Variants in CTIF observed in about 807,000 individuals in gnomAD.
The protein encoded by CTIF is CBP80/20-dependent translation initiation factor.
A neutral mutation model predicts 66.0 loss-of-function variants in CTIF; 21 were observed. That is an observed-to-expected ratio of 0.32 (90% CI 0.23 to 0.46). The LOEUF (loss-of-function observed/expected upper bound fraction) is 0.46, where lower values mean the gene tolerates loss of function less well. Ranked by LOEUF, CTIF falls within the 20% of genes least tolerant of loss-of-function variation. The pLI is 1.00. For missense variants in CTIF, 739 were observed against 812.7 expected, an observed-to-expected ratio of 0.91 and a Z score of 1.10; for synonymous variants, 345 against 326.4, an observed-to-expected ratio of 1.06 and a Z score of -0.62.
At chr18:48,591,144 C>T (rs1424956536) in intron 1 of CTIF, among the ~76,000 whole-genome samples, 2 of 152,226 alleles carry the variant, frequency 1.3e-5, no homozygotes, top group African/African-American at 4.8e-5. Flanking sequence ...TCTCCCTTGT[C>T]CATGGAGACT....
chr18:48,772,032 C>T (rs1301254979), intron 9 of CTIF, among the ~76,000 whole-genome samples: 1 of 152,216 alleles, frequency 6.6e-6, no homozygotes, highest in African/African-American at 2.4e-5. Flanking sequence ...CCAGCCACTA[C>T]CAAGAGAGAG....
intron 1 of CTIF, among the ~76,000 whole-genome samples, chr18:48,551,008 T>C (rs557335107): frequency 1.3e-5 from 2 of 151,892 alleles, no homozygotes; most frequent in Admixed American, 6.6e-5. Context: ...GGCTGAATTG[T>C]GTCCTCTCAA....
intron 5 of CTIF, among the ~76,000 whole-genome samples, chr18:48,669,853 A>T (rs2091500247): frequency 7.8e-6 from 1 of 128,998 alleles, no homozygotes; most frequent in South Asian, 2.6e-4. Flanking sequence ...GCTAGACTAT[A>T]TATGTGTGTA....
At position 48,758,331 on chromosome 18, in the gene CTIF, C is replaced by A. The variant is rs150546807; in HGVS notation, c.997C>A (p.Arg333Ser). ...ACGTAAAGACAGTATTCTTCCCGAG[C>A]GCATCGGGGAGCGGCCCAAAATTAC... ...TKRKDSILPE[R>S]IGERPKITLL... is the part of the protein sequence containing the mutation. The change falls in exon 8 of 12, where the codon CGC (arginine) becomes AGC (serine). Residue 333 changes from arginine to serine, a missense_variant. Around this residue, in one of 2 missense-constraint regions of CTIF, gnomAD observed 529 missense variants for 520.3 expected, o/e 1.02. Transcript: ENST00000256413. 5.7e-5 allele frequency: 92 copies of A among 1,612,430 alleles called. No individual in the cohort carries two copies. Among genetic ancestry groups the A allele is most frequent in the Non-Finnish European group, 7.5e-5 (88 of 1,179,792 alleles).
intron 9 of CTIF, among the ~76,000 whole-genome samples, chr18:48,803,541 G>A (rs991693412): frequency 2.0e-5 from 3 of 152,312 alleles, no homozygotes; most frequent in Non-Finnish European, 4.4e-5. Flanking sequence ...ACAGCCACCC[G>A]ATGGTCCTAG....
At chr18:48,687,760 G>C (rs2091865568) in intron 6 of CTIF, among the ~76,000 whole-genome samples, 2 of 152,206 alleles carry the variant, frequency 1.3e-5, no homozygotes, top group Non-Finnish European at 2.9e-5. Context: ...CCTGAAAGCA[G>C]CCTCTTCAAA....
At position 48,706,029 on chromosome 18, in the gene CTIF, A is replaced by G. The variant is rs951442003; in HGVS notation, c.508-5590A>G. 3.9e-5 allele frequency among the ~76,000 whole-genome samples: 6 copies of G among 152,126 alleles called. No homozygotes were observed. In the South Asian group the frequency reaches 1.2e-3, roughly 32 times the overall value. ...CACTGTTGCATGGCGGGCCCCCTAC[A>G]TTTGTCGAGTGAGAGAGAGACAAGG... On this transcript the variant is annotated intron_variant, in intron 6 of 11. Coordinates refer to ENST00000256413, the MANE Select transcript of CTIF (RefSeq NM_014772.3).
chr18:48,766,564 C>T (rs776403841), intron 9 of CTIF, among the ~76,000 whole-genome samples: 54 of 152,236 alleles, frequency 3.5e-4, no homozygotes, highest in Non-Finnish European at 6.6e-4. Context: ...TCTCCAAGGA[C>T]GCAACCTGGG....
At chr18:48,723,310 G>T (rs1473611663) in intron 7 of CTIF, among the ~76,000 whole-genome samples, 2 of 152,010 alleles carry the variant, frequency 1.3e-5, no homozygotes, top group African/African-American at 4.8e-5. Context: ...AATGGACTAG[G>T]GGAGGGCTGC....
chr18:48,680,543 G>A (rs1253980426), intron 6 of CTIF, among the ~76,000 whole-genome samples: 1 of 152,254 alleles, frequency 6.6e-6, no homozygotes, highest in Non-Finnish European at 1.5e-5. Flanking sequence ...TGGCCCTGTC[G>A]ACGGATGCCC....
chr18:48,820,694 C>T (rs532271480), intron 10 of CTIF, among the ~76,000 whole-genome samples: 41 of 152,256 alleles, frequency 2.7e-4, no homozygotes, highest in African/African-American at 6.5e-4. Flanking sequence ...ACGGCCTTTC[C>T]GCTGTCAAGT....
chr18:48,742,667 A>G (rs983239571), intron 7 of CTIF, among the ~76,000 whole-genome samples: 1 of 152,262 alleles, frequency 6.6e-6, no homozygotes, highest in Admixed American at 6.5e-5. Flanking sequence ...AAGCCAGTGC[A>G]ATAGACTTTA....
chr18:48,622,286 T>G (rs1598753205), intron 2 of CTIF, among the ~76,000 whole-genome samples: 2 of 151,318 alleles, frequency 1.3e-5, no homozygotes, highest in African/African-American at 4.9e-5. Context: ...ATGGTGGGGG[T>G]GTGGCGTGTG....
chr18:48,804,605 A>T (rs907987182), intron 9 of CTIF, among the ~76,000 whole-genome samples: 40 of 152,210 alleles, frequency 2.6e-4, no homozygotes, highest in Admixed American at 2.6e-3. Context: ...TCTGCCGCTT[A>T]TTCAGCACCT....
rs1451194133 is a variant in CTIF at position 48,761,731 on chromosome 18, C to T, written c.1371+42C>T. 1 of 1,569,240 alleles carries T rather than the reference C, an allele frequency of 6.4e-7. No individual in the cohort carries two copies. Among genetic ancestry groups the T allele is most frequent in the Non-Finnish European group, 8.7e-7 (1 of 1,151,430 alleles). On this transcript the variant is annotated intron_variant, in intron 9 of 11. Coordinates refer to ENST00000256413, the MANE Select transcript of CTIF (RefSeq NM_014772.3). This position sits in a 1 kb window ranked among gnomAD's most constrained non-coding sequence, Gnocchi z 4.2. ...CACCACCGCCCCGCGCCCCCTGCCC[C>T]TCTGCGTTCGGTGAGTTATTCCTAG...
At chr18:48,591,605 T>G (rs2089888735) in intron 1 of CTIF, among the ~76,000 whole-genome samples, 1 of 152,198 alleles carries the variant, frequency 6.6e-6, no homozygotes, top group Non-Finnish European at 1.5e-5. Flanking sequence ...TAGCTATCAT[T>G]GTGGTGCGCA....
chr18:48,837,307 GCTGT>G (rs2068833697), intron 10 of CTIF, among the ~76,000 whole-genome samples: 2 of 152,148 alleles, frequency 1.3e-5, no homozygotes, highest in African/African-American at 4.8e-5. Flanking sequence ...CGAGAAGGGG[GCTGT>G]CTAAGGCCCA....
chr18:48,839,624 G>T (rs1243215278), intron 10 of CTIF, among the ~76,000 whole-genome samples: 1 of 152,202 alleles, frequency 6.6e-6, no homozygotes, highest in Non-Finnish European at 1.5e-5. Flanking sequence ...TGGGGCGGCT[G>T]AATCAGGATT....
intron 6 of CTIF, among the ~76,000 whole-genome samples, chr18:48,703,369 G>A (rs1352742239): frequency 6.6e-6 from 1 of 152,124 alleles, no homozygotes; most frequent in African/African-American, 2.4e-5. Flanking sequence ...CCTCCTGCCT[G>A]GGACCTCCCA....
Sources: gnomAD v4.1 joint callset for allele counts (sites outside exome capture counted in the v4.1 genomes callset) on GRCh38, gnomAD v4.1.1 for gene constraint, gnomAD v4.1.1 regional missense constraint, Gnocchi (gnomAD v3.1) non-coding constraint, MANE v1.5 for transcripts, NCBI Gene and HGNC (gene_info 2026-07-23, HGNC 2026-07-21) for gene names.